Variants in ZNF717 observed in about 807,000 individuals in gnomAD.
ZNF717 encodes the protein zinc finger protein 717.
Under a neutral mutation model 13.8 loss-of-function variants are expected in ZNF717, and 9 were observed. The ratio of observed to expected loss-of-function variants is 0.65; its 90% CI spans 0.39 to 1.14. The LOEUF is 1.14. Among genes scored for constraint, ZNF717 ranks in the 50% most tolerant of loss-of-function variants. The pLI is 0.01. For missense variants in ZNF717, 1,040 were observed against 1,080.7 expected (o/e 0.96, Z 0.53); for synonymous variants, 327 against 364.1 (o/e 0.90, Z 1.16).
intron 2 of ZNF717, among the ~76,000 whole-genome samples, chr3:75,761,285 A>C (rs893997066): frequency 5.3e-5 from 8 of 152,288 alleles, no homozygotes; most frequent in African/African-American, 1.4e-4. Flanking sequence ...ATTCCAATCC[A>C]TTCTATCAGG....
chr3:75,745,680 C>CTT (rs1014299192), intron 2 of ZNF717, among the ~76,000 whole-genome samples: 1 of 151,960 alleles, frequency 6.6e-6, no homozygotes, highest in African/African-American at 2.4e-5. Context: ...ATGAGATCAA[C>CTT]TTTTTTATAT....
intron 2 of ZNF717, among the ~76,000 whole-genome samples, chr3:75,755,222 G>A (rs1006098449): frequency 8.3e-4 from 127 of 152,312 alleles, no homozygotes; most frequent in African/African-American, 2.8e-3. Flanking sequence ...GGAAACAAAA[G>A]ATATATAACT....
downstream of ZNF717, among the ~76,000 whole-genome samples, chr3:75,734,687 G>A (rs1161025696): frequency 6.4e-5 from 8 of 124,860 alleles, no homozygotes; most frequent in African/African-American, 8.6e-5. Flanking sequence ...TGCCCACCTC[G>A]GCCTCCCAAA....
At chr3:75,709,406 T>C (rs1448962421), downstream of ZNF717, among the ~76,000 whole-genome samples, 1 of 152,102 alleles carries the variant, frequency 6.6e-6, no homozygotes, top group Non-Finnish European at 1.5e-5. Flanking sequence ...CATGATCCAG[T>C]CATGTCCCCA....
chr3:75,711,575 C>A (rs1448190911), intron 5 of ZNF717, among the ~76,000 whole-genome samples: 3 of 152,112 alleles, frequency 2.0e-5, no homozygotes, highest in African/African-American at 7.2e-5. Context: ...GCAGGTAGAT[C>A]ACTTCAACTT....
At position 75,736,350 on chromosome 3, in the gene ZNF717, A is replaced by G. The variant is rs1206634658; in HGVS notation, c.*528T>C. ...AGCTTAGTGAAGAAAGCATGTTGGA[A>G]GCTAAGACAGGCCAAAGCTAAGCTT... On this transcript the variant is annotated 3_prime_UTR_variant, in exon 5 of 5. Transcript: ENST00000652011. The G allele has an allele frequency of 6.4e-6, 1 of 155,924 alleles. No homozygotes were observed. The highest frequency in any genetic ancestry group is 1.4e-5 in the Non-Finnish European group (1 of 70,410). 9.7% of individuals were successfully genotyped at this position (155,924 alleles called of 1,614,324 possible). A position where few individuals can be genotyped will look rare whatever the true frequency, so the allele number is the denominator to read the frequency against.
At chr3:75,724,359 C>A (rs1170008942) in intron 4 of ZNF717, among the ~76,000 whole-genome samples, 163 of 151,478 alleles carry the variant, frequency 1.1e-3, no homozygotes, top group Non-Finnish European at 1.9e-3. Flanking sequence ...AACCCACAGA[C>A]CCTGTAGGGC....
chr3:75,732,841 C>T (rs1463934829), downstream of ZNF717, among the ~76,000 whole-genome samples: 3 of 152,152 alleles, frequency 2.0e-5, no homozygotes, highest in African/African-American at 7.2e-5. Flanking sequence ...AGAAAAAGCA[C>T]AAGGCATACT....
intron 5 of ZNF717, among the ~76,000 whole-genome samples, chr3:75,713,150 TTTA>T (rs1311146006): frequency 6.6e-6 from 1 of 151,954 alleles, no homozygotes; most frequent in East Asian, 1.9e-4. Context: ...TAATTAAAAT[TTTA>T]TTATTTTATT....
downstream of ZNF717, among the ~76,000 whole-genome samples, chr3:75,729,133 A>T (rs1308023589): frequency 6.6e-6 from 1 of 152,164 alleles, no homozygotes; most frequent in Non-Finnish European, 1.5e-5. Context: ...GGGAGGGTGA[A>T]CAATCAGATA....
intron 2 of ZNF717, among the ~76,000 whole-genome samples, chr3:75,781,592 C>T (rs541730605): frequency 7.5e-4 from 114 of 152,188 alleles, no homozygotes; most frequent in Non-Finnish European, 1.3e-3. Context: ...AATAGACTCT[C>T]CCTTAGCTGA....
intron 2 of ZNF717, among the ~76,000 whole-genome samples, chr3:75,768,360 TG>T (rs71101853): frequency 0.15 from 2,059 of 13,528 alleles, 284 homozygotes; most frequent in Non-Finnish European, 0.18. Flanking sequence ...TGGCTGAGTG[TG>T]GGGGGGGGGG....
Position 75,736,976 on chromosome 3 carries a change from A to G in ZNF717, c.2647T>C (p.Ser883Pro). ...GTTTGTTGATGCCTGCTGAGGTGTG[A>G]CTTCTGGCAAAAGGTTTTCCCACAT... ...KECGKTFCQK[S>P]HLSRHQQTHI... The change falls in exon 5 of 5, where the codon TCA (serine) becomes CCA (proline). Residue 883 changes from serine (S) to proline (P), a missense_variant. By Grantham distance (74) the Ser-to-Pro change is moderately conservative (BLOSUM62 -1). Around this residue, in one of 3 missense-constraint regions of ZNF717, gnomAD observed 44 missense variants for 70.1 expected, o/e 0.63. Coordinates refer to ENST00000652011, the MANE Select transcript of ZNF717 (RefSeq NM_001290208.3). 1 of 1,577,964 alleles carries G rather than the reference A, an allele frequency of 6.3e-7. No individual in the cohort carries two copies. Among genetic ancestry groups the G allele is most frequent in the African/African-American group, 1.4e-5 (1 of 73,826 alleles).
chr3:75,774,895 A>AG (rs1259452326), intron 2 of ZNF717, among the ~76,000 whole-genome samples: 1 of 152,162 alleles, frequency 6.6e-6, no homozygotes, highest in East Asian at 1.9e-4. Context: ...CTGGGATTAC[A>AG]GGCGTGAGCC....
At chr3:75,755,266 T>C (rs1373824754) in intron 2 of ZNF717, among the ~76,000 whole-genome samples, 2 of 152,244 alleles carry the variant, frequency 1.3e-5, no homozygotes, top group Non-Finnish European at 2.9e-5. Context: ...AAAAAGAGCA[T>C]TAAAGAAAGA....
intron 5 of ZNF717, among the ~76,000 whole-genome samples, chr3:75,713,455 T>C (rs1575717385): frequency 6.6e-6 from 1 of 152,124 alleles, no homozygotes; most frequent in Admixed American, 6.5e-5. Context: ...CTGGCCTATA[T>C]TAATTAGAAT....
At chr3:75,782,015 C>T (rs1316829863) in intron 2 of ZNF717, among the ~76,000 whole-genome samples, 6 of 151,588 alleles carry the variant, frequency 4.0e-5, no homozygotes, top group Admixed American at 1.3e-4. Flanking sequence ...TATCCGGGGC[C>T]GAGAGAATTT....
At chr3:75,779,923 G>C (rs1944675330) in intron 2 of ZNF717, among the ~76,000 whole-genome samples, 2 of 150,658 alleles carry the variant, frequency 1.3e-5, no homozygotes. Flanking sequence ...CGGGAGTGAT[G>C]TGCTAAAACT....
In ZNF717 at chr3:75,737,416, AC is replaced by A; in HGVS notation, c.2206del (p.Val736TrpfsTer158). 2 of 1,554,116 alleles carry A rather than the reference AC, an allele frequency of 1.3e-6. No individual in the cohort carries two copies. Among genetic ancestry groups the A allele is most frequent in the South Asian group, 2.4e-5 (2 of 84,174 alleles). ...GACTGACTTCTGACAAGGTTTTTCC[AC>A]ATTTGCTACATTCATAGGGTTTCTC... The part of the protein sequence containing the change: ...RGRNPMNVAN[V>X]EKPCQKSVLT... On this transcript the variant is annotated frameshift_variant, in exon 5 of 5. Coordinates refer to ENST00000652011, the MANE Select transcript of ZNF717 (RefSeq NM_001290208.3). LOFTEE classifies it low-confidence loss of function (END_TRUNC).
Sources: gnomAD v4.1 joint callset for allele counts (sites outside exome capture counted in the v4.1 genomes callset) on GRCh38, gnomAD v4.1.1 for gene constraint, gnomAD v4.1.1 regional missense constraint, MANE v1.5 for transcripts, NCBI Gene and HGNC (gene_info 2026-07-23, HGNC 2026-07-21) for gene names.